AKAP12: variants seen among roughly 807,000 people sequenced by gnomAD.
AKAP12 encodes the protein A-kinase anchor protein 12.
A neutral mutation model predicts 79.9 loss-of-function variants in AKAP12; 32 were observed. That is an observed-to-expected ratio of 0.40 (90% CI 0.30 to 0.54). The LOEUF (loss-of-function observed/expected upper bound fraction) is 0.54. AKAP12 is among the 20% of genes least tolerant of loss of function. The pLI is 0.48. For synonymous variants in AKAP12, 808 were observed against 857.0 expected, an observed-to-expected ratio of 0.94 and a Z score of 1.00; for missense variants, 2,074 against 2,177.0, an observed-to-expected ratio of 0.95 and a Z score of 0.94.
At chr6:151,316,028 A>G (rs1240253822) in intron 3 of AKAP12, among the ~76,000 whole-genome samples, 1 of 152,216 alleles carries the variant, frequency 6.6e-6, no homozygotes, top group Non-Finnish European at 1.5e-5. Context: ...GGGAACTACA[A>G]GTCAAGATGA....
At chr6:151,310,722 T>C (rs571047649) in intron 3 of AKAP12, among the ~76,000 whole-genome samples, 3 of 152,316 alleles carry the variant, frequency 2.0e-5, no homozygotes, top group Non-Finnish European at 4.4e-5. Context: ...ATAGCATATT[T>C]GATTTTGAAA....
Position 151,349,344 on chromosome 6 carries a change from AG to A in AKAP12, c.955del (p.Asp319MetfsTer17). 1 of 1,614,076 alleles carries A rather than the reference AG, an allele frequency of 6.2e-7. No homozygotes were observed. The highest frequency in any genetic ancestry group is 8.5e-7 in the Non-Finnish European group (1 of 1,180,018). On this transcript the variant is annotated frameshift_variant, in exon 4 of 5. Coordinates refer to ENST00000402676, the MANE Select transcript of AKAP12 (RefSeq NM_005100.4). LOFTEE classifies it high-confidence loss of function. ...AAGACCAGTTTCAGGAAGCCGAAGG[AG>A]GATGAAGTGGAAGCTTCAGAGAAGA... is the stretch of plus-strand genomic sequence containing the variant. Reference protein sequence around the residue: ...RKKTSFRKPKEDEVEASEKKK... With the variant: ...RKKTSFRKPKXDEVEASEKKK...
intron 3 of AKAP12, among the ~76,000 whole-genome samples, chr6:151,312,821 G>A (rs547889677): frequency 1.1e-4 from 15 of 131,394 alleles, no homozygotes; most frequent in Admixed American, 9.2e-4. Flanking sequence ...AGAATCATGA[G>A]GGCAGAGTTT....
chr6:151,295,538 G>A lies in AKAP12; in HGVS notation c.163-10209G>A, dbSNP rs149416564. ...CAAGCTCTGCTGCTGTGCAGAAACCGTTCCAGCCGCCTTCCTTAAATAGCA... is the reference window on the plus strand; with the variant it reads ...CAAGCTCTGCTGCTGTGCAGAAACCATTCCAGCCGCCTTCCTTAAATAGCA... On this transcript the variant is annotated intron_variant, in intron 2 of 4. Coordinates refer to ENST00000402676, the MANE Select transcript of AKAP12 (RefSeq NM_005100.4). Among the ~76,000 whole-genome samples, 249 of 152,196 alleles carry A rather than the reference G, an allele frequency of 1.6e-3. 1 individual carries two copies. Among genetic ancestry groups the A allele is most frequent in the African/African-American group, 5.6e-3 (231 of 41,528 alleles).
chr6:151,241,176 A>G (rs1279424749), intron 2 of AKAP12, among the ~76,000 whole-genome samples: 1 of 152,022 alleles, frequency 6.6e-6, no homozygotes, highest in Non-Finnish European at 1.5e-5. Flanking sequence ...CCCGCCGGGG[A>G]GCCCAGCCAC....
At chr6:151,274,522 A>T (rs1414654350) in intron 2 of AKAP12, among the ~76,000 whole-genome samples, 1 of 152,188 alleles carries the variant, frequency 6.6e-6, no homozygotes. Context: ...TGTTTTCCTG[A>T]AGAAAGTCAT....
At chr6:151,282,157 C>T (rs571177775) in intron 2 of AKAP12, among the ~76,000 whole-genome samples, 1 of 152,052 alleles carries the variant, frequency 6.6e-6, no homozygotes, top group African/African-American at 2.4e-5. Flanking sequence ...TATCTCGGCT[C>T]ACTGCACCCT....
chr6:151,315,209 G>T (rs1488425396), intron 3 of AKAP12, among the ~76,000 whole-genome samples: 1 of 152,106 alleles, frequency 6.6e-6, no homozygotes. Flanking sequence ...AAATACCTTA[G>T]ACCAGGTAAT....
chr6:151,312,304 T>C (rs1439222289), intron 3 of AKAP12, among the ~76,000 whole-genome samples: 2 of 149,854 alleles, frequency 1.3e-5, no homozygotes, highest in African/African-American at 4.9e-5. Context: ...GACCCTTGTC[T>C]CTACGAACGT....
chr6:151,289,618 C>T (rs1400646693), intron 2 of AKAP12, among the ~76,000 whole-genome samples: 1 of 151,994 alleles, frequency 6.6e-6, no homozygotes, highest in African/African-American at 2.4e-5. Context: ...GCAAGATGTG[C>T]AATATAACTG....
intron 3 of AKAP12, among the ~76,000 whole-genome samples, chr6:151,334,923 T>G (rs1777774796): frequency 6.6e-6 from 1 of 152,102 alleles, no homozygotes; most frequent in African/African-American, 2.4e-5. Flanking sequence ...GCGCCCGGCC[T>G]TCAACATTTT....
chr6:151,257,235 G>A (rs1277433597), intron 2 of AKAP12, among the ~76,000 whole-genome samples: 2 of 151,992 alleles, frequency 1.3e-5, no homozygotes, highest in African/African-American at 4.8e-5. Context: ...AGTTCCCAGT[G>A]TCTACTGTTG....
intron 3 of AKAP12, among the ~76,000 whole-genome samples, chr6:151,344,836 GT>G (rs1450469508): frequency 6.6e-6 from 1 of 151,924 alleles, no homozygotes; most frequent in African/African-American, 2.4e-5. Flanking sequence ...GCCCAGCCTA[GT>G]TTTTTATTTA....
chr6:151,347,049 C>T (rs1343915322), intron 3 of AKAP12, among the ~76,000 whole-genome samples: 2 of 152,160 alleles, frequency 1.3e-5, no homozygotes, highest in African/African-American at 2.4e-5. Context: ...AATGTGCCAT[C>T]GTGGTGACAA....
At chr6:151,252,199 CT>C (rs535309198) in intron 2 of AKAP12, among the ~76,000 whole-genome samples, 332 of 143,582 alleles carry the variant, frequency 2.3e-3, no homozygotes, top group Middle Eastern at 7.3e-3. Flanking sequence ...AAGTTTCTTT[CT>C]TTTTTTTTTT....
intron 3 of AKAP12, among the ~76,000 whole-genome samples, chr6:151,345,893 A>ATGTGTG (rs1485991559): frequency 3.2e-4 from 26 of 82,386 alleles, no homozygotes; most frequent in East Asian, 2.2e-3. Flanking sequence ...ATGTGTGTGT[A>ATGTGTG]TATGTGTGTG....
At chr6:151,324,184 T>C in intron 3 of AKAP12, 1 of 985,302 alleles carries the variant, frequency 1.0e-6, no homozygotes, top group South Asian at 4.7e-5. Flanking sequence ...AGAAAAAAGG[T>C]TGGGAAGCAG....
intron 2 of AKAP12, among the ~76,000 whole-genome samples, chr6:151,245,512 G>A (rs1797053100): frequency 6.6e-6 from 1 of 151,802 alleles, no homozygotes. Context: ...GGCCAGGCTG[G>A]TCTCAAACTC....
At position 151,353,560 on chromosome 6, in the gene AKAP12, A is replaced by C. The variant is rs1778359572; in HGVS notation, c.5169A>C (p.Leu1723Phe). Residue 1723 changes from leucine (L) to phenylalanine (F), a missense_variant, in exon 4 of 5, where the codon TTA becomes TTC. Leu to Phe is a conservative substitution (Grantham distance 22). Around this residue, in one of 3 missense-constraint regions of AKAP12, gnomAD observed 614 missense variants for 665.6 expected, o/e 0.92. Transcript: ENST00000402676. ...ALADTDASGG[L>F]TKESPDTNGP... ...CTGATACTGATGCCTCAGGAGGCTT[A>C]ACCAAAGAGTCCCCAGATACAAATG... 1.9e-6 allele frequency: 3 copies of C among 1,614,062 alleles called. No individual in the cohort carries two copies. The African/African-American group carries it at 4.0e-5, about 22-fold the overall frequency.
Sources: allele counts gnomAD v4.1 joint callset (sites outside exome capture counted in the v4.1 genomes callset), GRCh38; gene constraint gnomAD v4.1.1; regional missense constraint gnomAD v4.1.1; transcripts MANE v1.5; gene names NCBI Gene and HGNC (gene_info 2026-07-23, HGNC 2026-07-21).